The following UGDH variants were observed in gnomAD, a reference collection of about 807,000 sequenced individuals.
UGDH encodes UDP-Glc dehydrogenase.
UGDH carries 38 observed loss-of-function variants against 50.6 expected under a neutral mutation model. That is an observed-to-expected ratio of 0.75 (90% confidence interval 0.58 to 0.98). The LOEUF (loss-of-function observed/expected upper bound fraction) is 0.98, where lower values mean the gene tolerates loss of function less well. Among genes scored for constraint, UGDH ranks in the 50% least tolerant of loss-of-function variants. The probability of loss-of-function intolerance (pLI) is 0.00; values close to 1 mark genes in which losing one functional copy is unlikely to be tolerated. For synonymous variants in UGDH, 168 were observed against 199.9 expected, an observed-to-expected ratio of 0.84 and a Z score of 1.35; for missense variants, 465 against 606.2, an observed-to-expected ratio of 0.77 and a Z score of 2.45.
chr4:39,526,059 A>G (rs773757074), intron 1 of UGDH, among the ~76,000 whole-genome samples: 2 of 152,192 alleles, frequency 1.3e-5, no homozygotes, highest in Admixed American at 6.5e-5. Context: ...AACGGAATAT[A>G]ATCCTTCTAG....
At chr4:39,519,602 G>A (rs183608224) in intron 2 of UGDH, among the ~76,000 whole-genome samples, 9 of 152,164 alleles carry the variant, frequency 5.9e-5, no homozygotes, top group Middle Eastern at 3.4e-3. Flanking sequence ...ACAATGGCGT[G>A]ATCTCGGCTC....
chr4:39,507,722 G>A (rs1297283945), intron 7 of UGDH, among the ~76,000 whole-genome samples: 1 of 148,254 alleles, frequency 6.7e-6, no homozygotes, highest in South Asian at 2.1e-4. Flanking sequence ...GCAAAGATGG[G>A]AGGACTGCTG....
rs11544855 is a variant in UGDH, at chr4:39,510,727, T to C, written c.399A>G (p.Pro133=). 0.14 allele frequency: 218,981 copies of C among 1,614,208 alleles called. 16,340 individuals carry two copies. The highest frequency in any genetic ancestry group is 0.17 in the Middle Eastern group (1,012 of 6,062). The change falls in exon 4 of 12, where the codon CCA becomes CCG. Residue 133 remains proline (P), a synonymous_variant. Transcript: ENST00000316423. The part of the protein sequence containing the change: ...YKIVTEKSTV[P]VRAAESIRRI... ...GACGGATACTTTCTGCTGCCCGCAC[T>C]GGAACTGTGCTTTTCTCAGTCACAA...
Position 39,514,145 on chromosome 4 carries a change from T to G in UGDH, c.202A>C (p.Asn68His). 6.3e-7 allele frequency: 1 copy of G among 1,583,938 alleles called. No homozygotes were observed. Among genetic ancestry groups the G allele is most frequent in the South Asian group, 1.2e-5 (1 of 85,236 alleles). Residue 68 changes from asparagine to histidine, a missense_variant, in exon 3 of 12, where the codon AAT (asparagine) becomes CAT (histidine). Physicochemically the swap from Asn to His is moderately conservative, Grantham distance 68. Transcript: ENST00000316423. ...KEVVESCRGK[N>H]LFFSTNIDDA... The stretch of plus-strand genomic sequence containing the variant: ...TCAATATTGGTAGAAAAAAAAAGAT[T>G]TTTTCCTCGACAGGATTCTACCACT...
intron 1 of UGDH, chr4:39,526,969 G>T: frequency 2.4e-6 from 3 of 1,272,642 alleles, no homozygotes; most frequent in Non-Finnish European, 3.1e-6. Flanking sequence ...TGTGGTGGGC[G>T]TTCGGCTTTG....
At chr4:39,520,522 T>C (rs577271486) in intron 2 of UGDH, among the ~76,000 whole-genome samples, 51 of 152,036 alleles carry the variant, frequency 3.4e-4, no homozygotes, top group Non-Finnish European at 6.5e-4. Flanking sequence ...CTCAGTAAAA[T>C]AGTTAGAAGC....
chr4:39,508,524 A>C, intron 7 of UGDH, 42 bp downstream of exon 7: 2 of 1,583,880 alleles, frequency 1.3e-6, no homozygotes, highest in Non-Finnish European at 1.7e-6. Context: ...GTGAACCACT[A>C]TGCCTGGCTA....
At chr4:39,510,290 C>T (rs1332522253) in intron 5 of UGDH, 63 bp downstream of exon 5, 3 of 1,530,532 alleles carry the variant, frequency 2.0e-6, no homozygotes, top group Admixed American at 1.7e-5. Context: ...TGTAGTTTAT[C>T]AGGCTTGAAA....
Position 39,527,170 on chromosome 4 carries a change from G to A in UGDH, c.-8+113C>T, listed in dbSNP as rs1251165389. On this transcript the variant is annotated intron_variant, in intron 1 of 11. Transcript: ENST00000316423. ...TGAGACGGGAAGCCCGGGACCCAGCGCAGCGAGCGACCGGGAGCAGCGCGC... is the reference window on the plus strand; with the variant it reads ...TGAGACGGGAAGCCCGGGACCCAGCACAGCGAGCGACCGGGAGCAGCGCGC... 14 of 1,266,316 alleles carry A rather than the reference G, an allele frequency of 1.1e-5. No homozygotes were observed. In the East Asian group the frequency reaches 6.7e-4, roughly 61 times the overall value. 78.4% of individuals were successfully genotyped at this position (1,266,316 alleles called of 1,614,324 possible).
intron 1 of UGDH, among the ~76,000 whole-genome samples, chr4:39,522,003 CTGA>C (rs80289532): frequency 0.21 from 32,017 of 152,072 alleles, 5,162 homozygotes; most frequent in African/African-American, 0.43. Context: ...GAATTGGCCT[CTGA>C]TGAGATTATA....
intron 1 of UGDH, among the ~76,000 whole-genome samples, chr4:39,524,409 C>T (rs939428070): frequency 7.2e-5 from 11 of 152,034 alleles, no homozygotes; most frequent in South Asian, 4.1e-4. Flanking sequence ...TCCACAAGGG[C>T]GTCTCTTTTT....
rs974741209 is a variant in UGDH, at chr4:39,518,967, A to G, written c.162+2384T>C. On this transcript the variant is annotated intron_variant, in intron 2 of 11. Transcript: ENST00000316423. ...AGTTTCATTCTGTCAACCAGGCTGG[A>G]GTATAGTGGTGCGATCTCAGCTCAC... Among the ~76,000 whole-genome samples, 6 of 152,074 alleles carry G rather than the reference A, an allele frequency of 3.9e-5. No homozygotes were observed. In the East Asian group the frequency reaches 1.2e-3, roughly 29 times the overall value.
intron 2 of UGDH, 67 bp from the exon 3 acceptor site, chr4:39,514,251 T>C (rs1746360668): frequency 8.4e-7 from 1 of 1,196,330 alleles, no homozygotes; most frequent in South Asian, 1.3e-5. Flanking sequence ...CCTAATAGTA[T>C]AGAATTACAT....
chr4:39,507,334 A>G lies in UGDH; in HGVS notation c.906+1232T>C, dbSNP rs1200418952. 2.0e-5 allele frequency among the ~76,000 whole-genome samples: 3 copies of G among 152,364 alleles called. No individual in the cohort carries two copies. The East Asian group carries it at 5.8e-4, about 29-fold the overall frequency. On this transcript the variant is annotated intron_variant, in intron 7 of 11. Transcript: ENST00000316423. ...TTCTAATTTTAGCTCTGTGAGTCTG[A>G]AAGGTCCAAAACAAATATCAGCAGA... is the stretch of plus-strand genomic sequence containing the variant.
intron 11 of UGDH, 79 bp downstream of exon 11, chr4:39,503,796 T>C: frequency 1.0e-5 from 13 of 1,249,176 alleles, no homozygotes; most frequent in Non-Finnish European, 1.5e-5. Context: ...TCAACTTGAC[T>C]AGATTATAGT....
At chr4:39,512,256 A>AGTACTAAC (rs1463577767) in intron 3 of UGDH, among the ~76,000 whole-genome samples, 1 of 152,240 alleles carries the variant, frequency 6.6e-6, no homozygotes, top group African/African-American at 2.4e-5. Flanking sequence ...AATAGTAAGT[A>AGTACTAAC]GTACTAACTC....
chr4:39,508,633 T>A lies in UGDH; in HGVS notation c.839A>T (p.Asp280Val). Residue 280 changes from aspartate to valine, a missense_variant, in exon 7 of 12, where the codon GAT becomes GTT. Physicochemically the swap from Asp to Val is radical, Grantham distance 152. Coordinates refer to ENST00000316423, the MANE Select transcript of UGDH (RefSeq NM_003359.4). ...VGFGGSCFQK[D>V]VLNLVYLCEA... ...ACAGAGATAAACCAAATTCAGAACA[T>A]CCTTTTGGAAACAGCTCCCACCAAA... The A allele has an allele frequency of 6.2e-7, 1 of 1,603,100 alleles. No homozygotes were observed. The highest frequency in any genetic ancestry group is 8.5e-7 in the Non-Finnish European group (1 of 1,177,114).
intron 9 of UGDH, among the ~76,000 whole-genome samples, chr4:39,504,813 T>G (rs1037693406): frequency 6.6e-6 from 1 of 152,236 alleles, no homozygotes; most frequent in East Asian, 1.9e-4. Flanking sequence ...TCTGGAATTT[T>G]CCTTCTAGTA....
chr4:39,504,024 G>C, intron 10 of UGDH, 39 bp from the exon 11 acceptor site: 1 of 1,570,100 alleles, frequency 6.4e-7, no homozygotes, highest in East Asian at 2.3e-5. Flanking sequence ...AAACACATAC[G>C]TGGGCCGGGC....
Sources: gnomAD v4.1 joint callset for allele counts (sites outside exome capture counted in the v4.1 genomes callset) on GRCh38, gnomAD v4.1.1 for gene constraint, MANE v1.5 for transcripts, NCBI Gene and HGNC (gene_info 2026-07-23, HGNC 2026-07-21) for gene names.